Variants in CCNY observed in about 807,000 individuals in gnomAD.
CCNY encodes cyclin Y, also known as cyclin-Y.
In CCNY, 19 loss-of-function variants were observed where a neutral mutation model predicts 42.8. That is an observed-to-expected ratio of 0.44 (90% CI 0.31 to 0.65). The LOEUF is 0.65. Among genes scored for constraint, CCNY ranks in the 30% least tolerant of loss-of-function variants. CCNY has a pLI of 0.07. For synonymous variants in CCNY, 165 were observed against 162.7 expected (o/e 1.01, Z -0.11); for missense variants, 370 against 437.3 (o/e 0.85, Z 1.37).
chr10:35,432,058 C>T (rs532073168), intron 1 of CCNY, among the ~76,000 whole-genome samples: 40 of 152,266 alleles, frequency 2.6e-4, no homozygotes, highest in African/African-American at 8.4e-4. Flanking sequence ...AATGTCAGTG[C>T]GAGAATCATC....
intron 3 of CCNY, among the ~76,000 whole-genome samples, chr10:35,514,864 A>AT (rs1409317924): frequency 6.6e-6 from 1 of 152,278 alleles, no homozygotes; most frequent in East Asian, 1.9e-4. Context: ...TTAAACATAG[A>AT]TTTTTTGTTT....
At chr10:35,521,580 C>T (rs762257176) in intron 4 of CCNY, among the ~76,000 whole-genome samples, 14 of 152,206 alleles carry the variant, frequency 9.2e-5, no homozygotes, top group Non-Finnish European at 1.0e-4. Flanking sequence ...ACTCCTCCGT[C>T]GGACAGCACC....
intron 4 of CCNY, among the ~76,000 whole-genome samples, chr10:35,524,346 T>A (rs1840606481): frequency 6.6e-6 from 1 of 152,240 alleles, no homozygotes; most frequent in African/African-American, 2.4e-5. Context: ...GTATTAGCAC[T>A]TATTTGCTCA....
chr10:35,263,863 G>C (rs1201618556), intron 3 of CCNY, among the ~76,000 whole-genome samples: 1 of 152,120 alleles, frequency 6.6e-6, no homozygotes, highest in Non-Finnish European at 1.5e-5. Flanking sequence ...CCTAGTGTGT[G>C]TTGTTCCTCC....
chr10:35,266,145 T>C (rs754515976), intron 3 of CCNY, among the ~76,000 whole-genome samples: 1 of 151,776 alleles, frequency 6.6e-6, no homozygotes, highest in Non-Finnish European at 1.5e-5. Context: ...TGGTACAATC[T>C]CGGCTCACTA....
intron 7 of CCNY, among the ~76,000 whole-genome samples, chr10:35,542,457 T>G (rs1841022468): frequency 6.6e-6 from 1 of 152,156 alleles, no homozygotes; most frequent in South Asian, 2.1e-4. Flanking sequence ...CTCCACTTTC[T>G]GTACTGTGTA....
At chr10:35,448,039 G>T (rs1001590083) in intron 1 of CCNY, among the ~76,000 whole-genome samples, 15 of 152,190 alleles carry the variant, frequency 9.9e-5, no homozygotes, top group Admixed American at 9.8e-4. Context: ...GCTGGCACCA[G>T]GTCACTGTCT....
At chr10:35,437,465 G>A (rs889731069) in intron 1 of CCNY, among the ~76,000 whole-genome samples, 7 of 152,224 alleles carry the variant, frequency 4.6e-5, no homozygotes, top group African/African-American at 1.4e-4. Context: ...GATCAGCTGG[G>A]TAACATGGCA....
intron 1 of CCNY, among the ~76,000 whole-genome samples, chr10:35,471,539 G>T (rs949478026): frequency 1.3e-5 from 2 of 152,140 alleles, no homozygotes; most frequent in Admixed American, 6.5e-5. Context: ...AAGAAAATGA[G>T]GTTGACCAGT....
intron 3 of CCNY, among the ~76,000 whole-genome samples, chr10:35,302,382 C>T (rs1351316611): frequency 1.3e-5 from 2 of 150,248 alleles, no homozygotes; most frequent in East Asian, 3.9e-4. Context: ...GCGATCTCGG[C>T]TCACTGCAAC....
chr10:35,538,769 A>G (rs2135432966), intron 7 of CCNY, among the ~76,000 whole-genome samples: 1 of 152,142 alleles, frequency 6.6e-6, no homozygotes, highest in East Asian at 1.9e-4. Context: ...CTTTTTTGTA[A>G]TGGTATCAGT....
chr10:35,361,267 C>A (rs1177767564), intron 1 of CCNY, among the ~76,000 whole-genome samples: 2 of 152,058 alleles, frequency 1.3e-5, no homozygotes, highest in African/African-American at 2.4e-5. Context: ...ATAATTGGGA[C>A]CATGCTTTAA....
At chr10:35,274,337 G>A (rs1273241402) in intron 3 of CCNY, among the ~76,000 whole-genome samples, 2 of 152,106 alleles carry the variant, frequency 1.3e-5, no homozygotes, top group Non-Finnish European at 2.9e-5. Context: ...ACAACACATG[G>A]GAATTATGGG....
chr10:35,396,760 C>A (rs1356863865), intron 1 of CCNY, among the ~76,000 whole-genome samples: 1 of 152,206 alleles, frequency 6.6e-6, no homozygotes, highest in Admixed American at 6.5e-5. Context: ...GCTTGAGTTG[C>A]TGGGTGCTGT....
intron 1 of CCNY, among the ~76,000 whole-genome samples, chr10:35,435,459 GTC>G (rs1838508177): frequency 6.6e-6 from 1 of 152,244 alleles, no homozygotes; most frequent in Admixed American, 6.5e-5. Context: ...ATATCGGGCT[GTC>G]TCATAGGCCC....
intron 1 of CCNY, among the ~76,000 whole-genome samples, chr10:35,411,512 C>CAAAAAAAAA (rs59117826): frequency 1.6e-5 from 1 of 61,394 alleles, no homozygotes; most frequent in African/African-American, 6.3e-5. Context: ...AAGACTCTGT[C>CAAAAAAAAA]AAAAAAAAAA....
chr10:35,278,868 T>A (rs1363698432), intron 3 of CCNY, among the ~76,000 whole-genome samples: 3 of 152,204 alleles, frequency 2.0e-5, no homozygotes, highest in African/African-American at 4.8e-5. Flanking sequence ...AAAGGCACAC[T>A]ATCCACCATG....
At position 35,282,680 on chromosome 10, in the gene CCNY, G is replaced by A. The variant is rs1197753776; in HGVS notation, c.-9+32054G>A. On this transcript the variant is annotated intron_variant, in intron 3 of 11. Transcript: ENST00000374706. Reference sequence around the variant, plus strand: ...AGAGGTTGCAGTGAGCCAAGATCGCGCCACTGCACTCCAGCCCGGGCAACA... The same window carrying A: ...AGAGGTTGCAGTGAGCCAAGATCGCACCACTGCACTCCAGCCCGGGCAACA... Among the ~76,000 whole-genome samples, 5 of 143,638 alleles carry A rather than the reference G, an allele frequency of 3.5e-5. No individual in the cohort carries two copies. In the South Asian group the frequency reaches 6.6e-4, roughly 19 times the overall value. 94.2% of individuals were successfully genotyped at this position (143,638 alleles called of 152,430 possible). A position where few individuals can be genotyped will look rare whatever the true frequency, so the allele number is the denominator to read the frequency against.
intron 1 of CCNY, among the ~76,000 whole-genome samples, chr10:35,434,517 A>G (rs1421287294): frequency 6.6e-6 from 1 of 152,216 alleles, no homozygotes; most frequent in Non-Finnish European, 1.5e-5. Flanking sequence ...GACAAATGGT[A>G]TTTAAAAAAG....
Sources: allele counts gnomAD v4.1 joint callset (sites outside exome capture counted in the v4.1 genomes callset), GRCh38; gene constraint gnomAD v4.1.1; transcripts MANE v1.5; gene names NCBI Gene and HGNC (gene_info 2026-07-23, HGNC 2026-07-21).